The following SRARP variants were observed in gnomAD, a reference collection of about 807,000 sequenced individuals.
The protein encoded by SRARP is steroid receptor associated and regulated protein, also known as steroid receptor-associated and regulated protein.
Under a neutral mutation model 3.6 loss-of-function variants are expected in SRARP, and 5 were observed. The ratio of observed to expected loss-of-function variants is 1.39; its 90% CI spans 0.73 to 2.93. The LOEUF is 2.93. SRARP is among the 30% of genes most tolerant of loss of function. SRARP has a pLI of 0.00. For missense variants in SRARP, 215 were observed against 216.7 expected, an observed-to-expected ratio of 0.99 and a Z score of 0.05; for synonymous variants, 96 against 91.6, an observed-to-expected ratio of 1.05 and a Z score of -0.27.
Position 16,008,146 on chromosome 1 carries a change from A to G in SRARP, c.*1800A>G, listed in dbSNP as rs1012803380. ...AGTGCAACAGTAAGGGCAACACAGA[A>G]TGATGCTGGAGGACAACCAGCCCAC... On this transcript the variant is annotated 3_prime_UTR_variant, in exon 2 of 2. Coordinates refer to ENST00000329454, the MANE Select transcript of SRARP (RefSeq NM_178840.4). The G allele has an allele frequency of 2.6e-5, 4 of 152,172 alleles. No individual in the cohort carries two copies. Among genetic ancestry groups the G allele is most frequent in the Non-Finnish European group, 4.4e-5 (3 of 68,030 alleles). The allele number at this position is 152,172 out of a possible 1,614,324, so 9.4% of individuals were successfully genotyped here.
chr1:16,005,968 T>G lies in SRARP; in HGVS notation c.132T>G (p.Thr44=), dbSNP rs1177332368. The part of the protein sequence containing the change: ...HQKTVPTAHL[T]FVIDCTHGKQ... ...AGACCGTCCCCACGGCTCACCTGAC[T>G]TTTGTTATTGACTGCACCCACGGGA... is the stretch of plus-strand genomic sequence containing the variant. The change falls in exon 2 of 2, where the codon ACT becomes ACG. Residue 44 remains threonine, a synonymous_variant. Transcript: ENST00000329454. The G allele has an allele frequency of 2.5e-6, 4 of 1,610,212 alleles. No individual in the cohort carries two copies. Among genetic ancestry groups the G allele is most frequent in the Non-Finnish European group, 3.4e-6 (4 of 1,177,956 alleles).
At position 16,007,268 on chromosome 1, in the gene SRARP, G is replaced by A. The variant is rs952389686; in HGVS notation, c.*922G>A. The A allele has an allele frequency of 9.2e-5, 14 of 151,672 alleles. No homozygotes were observed. The highest frequency in any genetic ancestry group is 2.1e-4 in the South Asian group (1 of 4,802). The allele number at this position is 151,672 out of a possible 1,614,324, so 9.4% of individuals were successfully genotyped here. ...GATAGCAAAAAAAAAAAAAAAAGGT[G>A]GGGGGAGGAGGTTCACCCCTCAGGG... On this transcript the variant is annotated 3_prime_UTR_variant, in exon 2 of 2. Coordinates refer to ENST00000329454, the MANE Select transcript of SRARP (RefSeq NM_178840.4).
At position 16,007,691 on chromosome 1, in the gene SRARP, T is replaced by C. The variant is rs1279001518; in HGVS notation, c.*1345T>C. On this transcript the variant is annotated 3_prime_UTR_variant, in exon 2 of 2. Coordinates refer to ENST00000329454, the MANE Select transcript of SRARP (RefSeq NM_178840.4). ...CCTCAAGCTATCCTCCCGCTTCAGC[T>C]TCCCTAAGTGCTTGGATTATAGGTG... The C allele has an allele frequency of 1.3e-5, 2 of 152,242 alleles. No individual in the cohort carries two copies. The highest frequency in any genetic ancestry group is 2.9e-5 in the Non-Finnish European group (2 of 68,044). The allele number at this position is 152,242 out of a possible 1,614,324, so 9.4% of individuals were successfully genotyped here.
chr1:16,004,342 C>A lies in SRARP; in HGVS notation c.39C>A (p.Asn13Lys), dbSNP rs771462035. ...AAGACCCCAGGGACTGGAGAGCCAA[C>A]CTCAAAGGCACCATCCGTGAGACAG... ...PSEDPRDWRANLKGTIRETGL... is the reference protein window; with the variant it reads ...PSEDPRDWRAKLKGTIRETGL... Residue 13 changes from asparagine (N) to lysine (K), a missense_variant, in exon 1 of 2, where the codon AAC becomes AAA. By Grantham distance (94) the Asn-to-Lys change is moderately conservative (BLOSUM62 0). Transcript: ENST00000329454. 6.2e-7 allele frequency: 1 copy of A among 1,609,292 alleles called. No homozygotes were observed. The highest frequency in any genetic ancestry group is 8.5e-7 in the Non-Finnish European group (1 of 1,178,384).
rs2073130567 is a variant in SRARP, at chr1:16,006,513, C to T, written c.*167C>T. On this transcript the variant is annotated 3_prime_UTR_variant, in exon 2 of 2. Transcript: ENST00000329454. Reference sequence around the variant, plus strand: ...TGGCAGAGGCAGGATAAGTCACCTGCACATGAAGAGACTCATTCATTCATA... The same window carrying T: ...TGGCAGAGGCAGGATAAGTCACCTGTACATGAAGAGACTCATTCATTCATA... The T allele has an allele frequency of 2.9e-6, 2 of 700,068 alleles. No individual in the cohort carries two copies. The highest frequency in any genetic ancestry group is 4.3e-5 in the South Asian group (2 of 46,842). 43.4% of individuals were successfully genotyped at this position (700,068 alleles called of 1,614,324 possible).
Position 16,005,929 on chromosome 1 carries a change from GGC to G in SRARP, c.94_95del (p.Ala32TrpfsTer16). ...TTTCCTCTCTTCTAGGTGGGAAGCT[GGC>G]TGGCCATCAGAAGACCGTCCCCACG... ...GLETSSGGKL[A>X]GHQKTVPTAH... is the part of the protein sequence containing the mutation. On this transcript the variant is annotated frameshift_variant, in exon 2 of 2. Transcript: ENST00000329454. LOFTEE classifies it low-confidence loss of function (END_TRUNC). The G allele has an allele frequency of 6.4e-7, 1 of 1,571,948 alleles. No homozygotes were observed. Among genetic ancestry groups the G allele is most frequent in the East Asian group, 2.2e-5 (1 of 44,514 alleles).
At position 16,006,331 on chromosome 1, in the gene SRARP, T is replaced by TGGGCAGGCCGATTAGCTGGAAG. The variant is rs563233267; in HGVS notation, c.498_*9dup. The TGGGCAGGCCGATTAGCTGGAAG allele has an allele frequency of 1.9e-6, 3 of 1,594,282 alleles. No homozygotes were observed. Among genetic ancestry groups the TGGGCAGGCCGATTAGCTGGAAG allele is most frequent in the Admixed American group, 3.4e-5 (2 of 58,608 alleles). On this transcript the variant is annotated stop_gained and frameshift_variant, in exon 2 of 2. Transcript: ENST00000329454. LOFTEE classifies it high-confidence loss of function. Reference sequence around the variant, plus strand: ...TGAAAGCCCTCTCCTCTTGTGTCTGTGGGCAGGCCGATTAGCTGGAAGGGC... The same window carrying TGGGCAGGCCGATTAGCTGGAAG: ...TGAAAGCCCTCTCCTCTTGTGTCTGTGGGCAGGCCGATTAGCTGGAAGGGGCAGGCCGATTAGCTGGAAGGGC...
rs1237723948 is a variant in SRARP, at chr1:16,005,871, G to C, written c.83-48G>C. ...AGTGAGACCCTGTCTCAGGGGAAAA[G>C]AAAAGTCCCCTGCTTGTGCTAACTT... On this transcript the variant is annotated intron_variant, in intron 1 of 1. Transcript: ENST00000329454. 6 of 1,479,476 alleles carry C rather than the reference G, an allele frequency of 4.1e-6. 1 individual carries two copies. Among genetic ancestry groups the C allele is most frequent in the African/African-American group, 1.4e-5 (1 of 70,712 alleles). The allele number at this position is 1,479,476 out of a possible 1,614,324, so 91.6% of individuals were successfully genotyped here.
intron 1 of SRARP, among the ~76,000 whole-genome samples, 175 bp from the exon 2 acceptor site, chr1:16,005,744 G>A (rs1430228951): frequency 6.6e-6 from 1 of 152,152 alleles, no homozygotes; most frequent in East Asian, 1.9e-4. Flanking sequence ...ATGGTGGCAT[G>A]AGCCTGTAGT....
rs2073135663 is a variant in SRARP, at chr1:16,007,294, C to A, written c.*948C>A. ...GGGGGAGGAGGTTCACCCCTCAGGG[C>A]AATCGTGTTCCCTGAGCAGGAGGTG... On this transcript the variant is annotated 3_prime_UTR_variant, in exon 2 of 2. Transcript: ENST00000329454. 1 of 150,004 alleles carries A rather than the reference C, an allele frequency of 6.7e-6. No homozygotes were observed. The highest frequency in any genetic ancestry group is 1.5e-5 in the Non-Finnish European group (1 of 67,808). 9.3% of individuals were successfully genotyped at this position (150,004 alleles called of 1,614,324 possible). A position where few individuals can be genotyped will look rare whatever the true frequency, so the allele number is the denominator to read the frequency against.
At chr1:16,004,898 C>T (rs118092992) in intron 1 of SRARP, among the ~76,000 whole-genome samples, 4 of 152,058 alleles carry the variant, frequency 2.6e-5, no homozygotes, top group Admixed American at 2.0e-4. Context: ...TTTCACAGCA[C>T]GTAGCTAAGA....
chr1:16,004,789 C>T (rs1175697914), intron 1 of SRARP, among the ~76,000 whole-genome samples: 2 of 151,766 alleles, frequency 1.3e-5, no homozygotes, highest in African/African-American at 2.4e-5. Context: ...TGCTACCTCC[C>T]TTGGGTTGCT....
chr1:16,006,027 C>G lies in SRARP; in HGVS notation c.191C>G (p.Pro64Arg), dbSNP rs1036549155. Reference sequence around the variant, plus strand: ...TCCCTGGCAGCAACCGCATCACCACCCCAAGCCCCCAGTCCCAATCGAGGG... The same window carrying G: ...TCCCTGGCAGCAACCGCATCACCACGCCAAGCCCCCAGTCCCAATCGAGGG... ...QLSLAATASP[P>R]QAPSPNRGLV... The change falls in exon 2 of 2, where the codon CCC (proline) becomes CGC (arginine). Residue 64 changes from proline (P) to arginine (R), a missense_variant. Physicochemically the swap from Pro to Arg is moderately radical, Grantham distance 103. Transcript: ENST00000329454. 6.2e-7 allele frequency: 1 copy of G among 1,613,930 alleles called. No individual in the cohort carries two copies. The highest frequency in any genetic ancestry group is 2.2e-5 in the East Asian group (1 of 44,892).
rs2073134774 is a variant in SRARP at position 16,007,240 on chromosome 1, A to T, written c.*894A>T. The T allele has an allele frequency of 2.2e-5, 3 of 136,460 alleles. No individual in the cohort carries two copies. The highest frequency in any genetic ancestry group is 5.6e-5 in the African/African-American group (2 of 35,720). 8.5% of individuals were successfully genotyped at this position (136,460 alleles called of 1,614,324 possible). A position where few individuals can be genotyped will look rare whatever the true frequency, so the allele number is the denominator to read the frequency against. On this transcript the variant is annotated 3_prime_UTR_variant, in exon 2 of 2. Coordinates refer to ENST00000329454, the MANE Select transcript of SRARP (RefSeq NM_178840.4). The stretch of plus-strand genomic sequence containing the variant: ...GCATACCAGGCTCATGCTGCCCTCT[A>T]GGGATAGCAAAAAAAAAAAAAAAAG...
chr1:16,004,343 C>T lies in SRARP; in HGVS notation c.40C>T (p.Leu14Phe), dbSNP rs1417387529. ...SEDPRDWRAN[L>F]KGTIRETGLE... ...AGACCCCAGGGACTGGAGAGCCAAC[C>T]TCAAAGGCACCATCCGTGAGACAGG... Residue 14 changes from leucine to phenylalanine, a missense_variant, in exon 1 of 2, where the codon CTC becomes TTC. By Grantham distance (22) the Leu-to-Phe change is conservative. Transcript: ENST00000329454. The T allele has an allele frequency of 6.2e-6, 10 of 1,609,250 alleles. No individual in the cohort carries two copies. Among genetic ancestry groups the T allele is most frequent in the East Asian group, 2.2e-5 (1 of 44,756 alleles).
chr1:16,008,362 G>T lies in SRARP; in HGVS notation c.*2016G>T, dbSNP rs1570267777. On this transcript the variant is annotated 3_prime_UTR_variant, in exon 2 of 2. Coordinates refer to ENST00000329454, the MANE Select transcript of SRARP (RefSeq NM_178840.4). ...CATTTATTCACCAAGTATTTATTGG[G>T]CATCCACTGAATGCCAGGCTTTGGG... is the stretch of plus-strand genomic sequence containing the variant. 6.6e-6 allele frequency: 1 copy of T among 152,220 alleles called. No homozygotes were observed. The highest frequency in any genetic ancestry group is 2.4e-5 in the African/African-American group (1 of 41,452). 9.4% of individuals were successfully genotyped at this position (152,220 alleles called of 1,614,324 possible). A position where few individuals can be genotyped will look rare whatever the true frequency, so the allele number is the denominator to read the frequency against.
At position 16,007,983 on chromosome 1, in the gene SRARP, A is replaced by G. The variant is rs140699433; in HGVS notation, c.*1637A>G. 1.3e-5 allele frequency: 2 copies of G among 152,346 alleles called. No homozygotes were observed. Among genetic ancestry groups the G allele is most frequent in the East Asian group, 3.9e-4 (2 of 5,186 alleles). The allele number at this position is 152,346 out of a possible 1,614,324, so 9.4% of individuals were successfully genotyped here. On this transcript the variant is annotated 3_prime_UTR_variant, in exon 2 of 2. Transcript: ENST00000329454. ...ATATTCTTGCTTGTAACTGTAAGGT[A>G]TATACCCTCTCATCCTGGTAGCGTC...
Position 16,004,396 on chromosome 1 carries a change from GC to G in SRARP, c.82+12del, listed in dbSNP as rs764960479. The stretch of plus-strand genomic sequence containing the variant: ...TGGAGACCAGCTCCGGTAAGAGGCG[GC>G]AAAGGGACCCCAGCCCCACAGAAAC... On this transcript the variant is annotated intron_variant, in intron 1 of 1. Coordinates refer to ENST00000329454, the MANE Select transcript of SRARP (RefSeq NM_178840.4). 5.0e-6 allele frequency: 8 copies of G among 1,590,326 alleles called. No individual in the cohort carries two copies. The African/African-American group carries it at 1.1e-4, about 21-fold the overall frequency.
In SRARP at chr1:16,005,956, G is replaced by A. The variant is rs531928100; in HGVS notation, c.120G>A (p.Thr40=). 12 of 1,603,542 alleles carry A rather than the reference G, an allele frequency of 7.5e-6. No individual in the cohort carries two copies. The highest frequency in any genetic ancestry group is 6.7e-5 in the African/African-American group (5 of 74,740). The change falls in exon 2 of 2, where the codon ACG becomes ACA. Residue 40 remains threonine, a synonymous_variant. Coordinates refer to ENST00000329454, the MANE Select transcript of SRARP (RefSeq NM_178840.4). ...CTGGCCATCAGAAGACCGTCCCCAC[G>A]GCTCACCTGACTTTTGTTATTGACT... ...KLAGHQKTVP[T]AHLTFVIDCT... is the part of the protein sequence containing the mutation.
Sources: allele counts gnomAD v4.1 joint callset (sites outside exome capture counted in the v4.1 genomes callset), GRCh38; gene constraint gnomAD v4.1.1; transcripts MANE v1.5; gene names NCBI Gene and HGNC (gene_info 2026-07-23, HGNC 2026-07-21).